RAB38: variants seen among roughly 807,000 people sequenced by gnomAD.
RAB38 encodes the protein RAB38, member RAS oncogene family.
In RAB38, 15 loss-of-function variants were observed where a neutral mutation model predicts 18.4. The ratio of observed to expected loss-of-function variants is 0.82; its 90% CI spans 0.55 to 1.26. The LOEUF (loss-of-function observed/expected upper bound fraction) is 1.26. Ranked by LOEUF, RAB38 falls within the 50% of genes most tolerant of loss-of-function variation. The pLI is 0.00. For missense variants in RAB38, 294 were observed against 267.4 expected, an observed-to-expected ratio of 1.10 and a Z score of -0.69; for synonymous variants, 101 against 104.4, an observed-to-expected ratio of 0.97 and a Z score of 0.20.
chr11:87,863,307 G>C, the RAB38 span, among the ~76,000 whole-genome samples: 1 of 151,758 alleles, frequency 6.6e-6, no homozygotes, highest in Non-Finnish European at 1.5e-5. Context: ...AAGGATTAAA[G>C]ATAATAACAT....
At position 88,116,652 on chromosome 11, in the gene RAB38, GTTC is replaced by G. The variant is rs373464856; in HGVS notation, c.484-2515_484-2513del. ...CAGGAACAATCACAAATAAAAGTTA[GTTC>G]TTCAGTGTTAGACCCAGTTAGTGTT... On this transcript the variant is annotated intron_variant, in intron 2 of 2. Transcript: ENST00000243662. Among the ~76,000 whole-genome samples the G allele has an allele frequency of 3.7e-4, 56 of 152,232 alleles. No individual in the cohort carries two copies. In the East Asian group the frequency reaches 0.01, roughly 28 times the overall value.
the RAB38 span, among the ~76,000 whole-genome samples, chr11:88,072,220 T>A: frequency 6.6e-6 from 1 of 152,160 alleles, no homozygotes; most frequent in South Asian, 2.1e-4. Flanking sequence ...GTAGAAAGAG[T>A]CAAGTGGAAT....
At chr11:87,977,933 T>C in the RAB38 span, among the ~76,000 whole-genome samples, 2 of 113,258 alleles carry the variant, frequency 1.8e-5, no homozygotes, top group Non-Finnish European at 3.3e-5. Flanking sequence ...AGTGACACCT[T>C]TATATAATAT....
intron 1 of RAB38, among the ~76,000 whole-genome samples, chr11:88,164,634 C>CT (rs913213805): frequency 2.0e-5 from 3 of 148,300 alleles, no homozygotes; most frequent in Admixed American, 6.8e-5. Flanking sequence ...TATGCGTTCT[C>CT]TTTTTTTTTC....
the RAB38 span, among the ~76,000 whole-genome samples, chr11:88,090,691 C>T: frequency 6.6e-6 from 1 of 151,964 alleles, no homozygotes; most frequent in South Asian, 2.1e-4. Context: ...TCTCCAGAAC[C>T]CACAGCTCTG....
At chr11:88,129,888 C>T (rs1459482742) in intron 2 of RAB38, among the ~76,000 whole-genome samples, 2 of 151,902 alleles carry the variant, frequency 1.3e-5, no homozygotes, top group Admixed American at 1.3e-4. Flanking sequence ...TCTAAGTTCT[C>T]TATAAAATGC....
the RAB38 span, among the ~76,000 whole-genome samples, chr11:88,031,065 T>A: frequency 3.3e-5 from 5 of 151,170 alleles, no homozygotes; most frequent in Admixed American, 6.6e-5. Context: ...GATGCAAGGC[T>A]GGTTCAATAT....
the RAB38 span, among the ~76,000 whole-genome samples, chr11:87,913,742 T>C: frequency 4.4e-4 from 67 of 152,208 alleles, no homozygotes; most frequent in African/African-American, 1.6e-3. Context: ...GAGAGCAGGT[T>C]GTTATAAAGC....
the RAB38 span, among the ~76,000 whole-genome samples, chr11:87,952,342 C>G: frequency 1.3e-5 from 2 of 152,172 alleles, no homozygotes; most frequent in Non-Finnish European, 2.9e-5. Context: ...TTAGGACATT[C>G]TCTCGAAGCT....
the RAB38 span, among the ~76,000 whole-genome samples, chr11:87,932,045 A>G: frequency 6.6e-6 from 1 of 151,928 alleles, no homozygotes; most frequent in African/African-American, 2.4e-5. Context: ...TCCATGTCCC[A>G]GTTCCAGGTC....
chr11:88,170,155 T>G (rs989901269), intron 1 of RAB38, among the ~76,000 whole-genome samples: 3 of 152,180 alleles, frequency 2.0e-5, no homozygotes, highest in Non-Finnish European at 4.4e-5. Context: ...ATATCCCTCA[T>G]TCCTACTTTG....
At chr11:88,170,324 G>T (rs188760589) in intron 1 of RAB38, among the ~76,000 whole-genome samples, 1 of 152,226 alleles carries the variant, frequency 6.6e-6, no homozygotes, top group Non-Finnish European at 1.5e-5. Flanking sequence ...CATTTTGGGG[G>T]GTTTTATTTG....
At chr11:88,049,654 A>G in the RAB38 span, among the ~76,000 whole-genome samples, 1 of 152,074 alleles carries the variant, frequency 6.6e-6, no homozygotes, top group Admixed American at 6.6e-5. Flanking sequence ...TGTGACTTGG[A>G]TCGAGGGGAC....
At chr11:87,847,625 G>A in the RAB38 span, among the ~76,000 whole-genome samples, 1 of 152,098 alleles carries the variant, frequency 6.6e-6, no homozygotes, top group Admixed American at 6.6e-5. Flanking sequence ...CCTGTGTGGA[G>A]TGAGTAGGGG....
At chr11:88,010,471 A>C in the RAB38 span, among the ~76,000 whole-genome samples, 1 of 152,176 alleles carries the variant, frequency 6.6e-6, no homozygotes, top group African/African-American at 2.4e-5. Context: ...TGTTCAAAAC[A>C]TATAAAATCA....
the RAB38 span, among the ~76,000 whole-genome samples, chr11:88,050,392 TACA>T: frequency 6.6e-6 from 1 of 152,304 alleles, no homozygotes; most frequent in East Asian, 1.9e-4. Context: ...AACCTAAAGC[TACA>T]AGATCCTTAT....
the RAB38 span, among the ~76,000 whole-genome samples, chr11:87,811,615 C>G: frequency 6.6e-6 from 1 of 152,066 alleles, no homozygotes; most frequent in Non-Finnish European, 1.5e-5. Flanking sequence ...GGCTGCTGCT[C>G]TCAGTTGTAC....
At chr11:87,964,725 T>A in the RAB38 span, among the ~76,000 whole-genome samples, 5,793 of 151,996 alleles carry the variant, frequency 0.038, 223 homozygotes, top group South Asian at 0.083. Context: ...AAAAAAAAAT[T>A]AAAAAAAATT....
the RAB38 span, among the ~76,000 whole-genome samples, chr11:88,101,951 G>A: frequency 1.3e-5 from 2 of 151,816 alleles, no homozygotes; most frequent in Non-Finnish European, 2.9e-5. Flanking sequence ...GAGTGAAAGA[G>A]GAATTGGAAT....
Sources: allele counts gnomAD v4.1 joint callset (sites outside exome capture counted in the v4.1 genomes callset), GRCh38; gene constraint gnomAD v4.1.1; transcripts MANE v1.5; gene names NCBI Gene and HGNC (gene_info 2026-07-23, HGNC 2026-07-21).